SDK2: variants seen among roughly 807,000 people sequenced by gnomAD.
SDK2 encodes the protein protein sidekick-2.
In SDK2, 105 loss-of-function variants were observed where a neutral mutation model predicts 253.9. That is an observed-to-expected ratio of 0.41 (90% CI 0.35 to 0.49). SDK2 has a LOEUF of 0.49. Ranked by LOEUF, SDK2 falls within the 20% of genes least tolerant of loss-of-function variation. SDK2 has a pLI of 0.06. For missense variants in SDK2, 2,608 were observed against 3,003.0 expected, an observed-to-expected ratio of 0.87 and a Z score of 3.07; for synonymous variants, 1,249 against 1,234.9, an observed-to-expected ratio of 1.01 and a Z score of -0.24.
chr17:73,613,645 C>G (rs950016553), intron 1 of SDK2, among the ~76,000 whole-genome samples: 1 of 144,814 alleles, frequency 6.9e-6, no homozygotes, highest in African/African-American at 2.5e-5. Context: ...ATCAGTCTTG[C>G]TGGCCGGACC....
Position 73,616,592 on chromosome 17 carries a change from T to C in SDK2, c.64+27433A>G, listed in dbSNP as rs749772396. On this transcript the variant is annotated intron_variant, in intron 1 of 44. Transcript: ENST00000392650. The surrounding 1 kb of genome is among the most constrained non-coding windows in gnomAD (Gnocchi z 5.2). Reference sequence around the variant, plus strand: ...TTCTGGAGTAATGGAATCTTAGTCCTGGGTGTTTGGGGCTGAGAAAATGAA... The same window carrying C: ...TTCTGGAGTAATGGAATCTTAGTCCCGGGTGTTTGGGGCTGAGAAAATGAA... Among the ~76,000 whole-genome samples, 3 of 152,180 alleles carry C rather than the reference T, an allele frequency of 2.0e-5. No individual in the cohort carries two copies. The highest frequency in any genetic ancestry group is 2.9e-5 in the Non-Finnish European group (2 of 68,036).
chr17:73,600,210 C>A (rs1028366397), intron 1 of SDK2, among the ~76,000 whole-genome samples: 1 of 152,176 alleles, frequency 6.6e-6, no homozygotes, highest in Non-Finnish European at 1.5e-5. Context: ...TCGGTCCCAT[C>A]CAGCAGCACT....
chr17:73,365,257 C>T lies in SDK2; in HGVS notation c.5305+1G>A. On this transcript the variant is annotated splice_donor_variant, in intron 38 of 44. Transcript: ENST00000392650. LOFTEE classifies it high-confidence loss of function. ...GGAGCTGTGCTGGGGGGTCCACTCA[C>T]CATCCACGGGGCTGCAGGGCTCGTA... is the stretch of plus-strand genomic sequence containing the variant. 1 of 1,598,874 alleles carries T rather than the reference C, an allele frequency of 6.3e-7. No homozygotes were observed. Among genetic ancestry groups the T allele is most frequent in the Non-Finnish European group, 8.5e-7 (1 of 1,173,430 alleles).
chr17:73,575,240 T>C (rs1173596893), intron 1 of SDK2, among the ~76,000 whole-genome samples: 1 of 152,184 alleles, frequency 6.6e-6, no homozygotes, highest in African/African-American at 2.4e-5. Context: ...TCAAAGCCAC[T>C]GCTGAGTTCT....
In SDK2 at chr17:73,382,839, TAACAAC is replaced by T. The variant is rs372656877; in HGVS notation, c.4705+1031_4705+1036del. ...CGACATGGTGAAACCCCGTCTCTAC[TAACAAC>T]AACAACAACAACGACAACAACAACA... On this transcript the variant is annotated intron_variant, in intron 33 of 44. Transcript: ENST00000392650. 1.5e-3 allele frequency among the ~76,000 whole-genome samples: 226 copies of T among 151,384 alleles called. 2 individuals carry two copies. Among genetic ancestry groups the T allele is most frequent in the African/African-American group, 5.3e-3 (221 of 41,396 alleles).
Position 73,338,674 on chromosome 17 carries a change from TG to T in SDK2, c.6431del (p.Pro2144GlnfsTer22), listed in dbSNP as rs1291258271. The T allele has an allele frequency of 1.3e-6, 2 of 1,582,242 alleles. No homozygotes were observed. Among genetic ancestry groups the T allele is most frequent in the Admixed American group, 1.8e-5 (1 of 55,066 alleles). On this transcript the variant is annotated frameshift_variant, in exon 45 of 45. Coordinates refer to ENST00000392650, the MANE Select transcript of SDK2 (RefSeq NM_001144952.2). LOFTEE classifies it high-confidence loss of function. This position sits in a 1 kb window ranked among gnomAD's most constrained non-coding sequence, Gnocchi z 5.0. ...GACGGTAGAGGGTGCTCTGCTGACTTGGGGGGTTAGGGGGGTTCTGGGGCGT... is the reference window on the plus strand; with the variant it reads ...GACGGTAGAGGGTGCTCTGCTGACTTGGGGGTTAGGGGGGTTCTGGGGCGT... ...TPTPQNPPNP[P>X]SQQSTLYRPP...
intron 1 of SDK2, among the ~76,000 whole-genome samples, chr17:73,552,538 A>T (rs1156669205): frequency 6.6e-6 from 1 of 152,094 alleles, no homozygotes; most frequent in Non-Finnish European, 1.5e-5. Flanking sequence ...CGCAGGTCTG[A>T]GTGTACTCGG....
At chr17:73,410,931 G>A (rs1439091887) in intron 18 of SDK2, among the ~76,000 whole-genome samples, 1 of 152,140 alleles carries the variant, frequency 6.6e-6, no homozygotes, top group Non-Finnish European at 1.5e-5. Context: ...CGGGGGAGCT[G>A]TTTGCCTTAA....
At chr17:73,430,874 T>C (rs1174876173) in intron 11 of SDK2, among the ~76,000 whole-genome samples, 1 of 152,096 alleles carries the variant, frequency 6.6e-6, no homozygotes, top group Non-Finnish European at 1.5e-5. Flanking sequence ...AGGGTAAAAA[T>C]AGGGCTTTCT....
intron 12 of SDK2, among the ~76,000 whole-genome samples, chr17:73,427,072 G>C (rs946760317): frequency 2.6e-5 from 4 of 151,696 alleles, no homozygotes; most frequent in Non-Finnish European, 5.9e-5. Flanking sequence ...GTGACAGAGC[G>C]AGACTCCATC....
intron 2 of SDK2, among the ~76,000 whole-genome samples, chr17:73,475,838 A>G (rs905062220): frequency 6.6e-6 from 1 of 152,228 alleles, no homozygotes; most frequent in African/African-American, 2.4e-5. Context: ...TTTACATCAT[A>G]CAAACTGGTC....
chr17:73,469,990 G>GCACACACA (rs1555585147), intron 3 of SDK2, among the ~76,000 whole-genome samples: 129 of 105,646 alleles, frequency 1.2e-3, no homozygotes, highest in East Asian at 5.1e-3. Context: ...CTGCGCGCGC[G>GCACACACA]CGCACACACA....
chr17:73,438,093 T>C lies in SDK2; in HGVS notation c.787A>G (p.Ser263Gly), dbSNP rs2063384773. The change falls in exon 7 of 45, where the codon AGT becomes GGT. Residue 263 changes from serine to glycine, a missense_variant. Coordinates refer to ENST00000392650, the MANE Select transcript of SDK2 (RefSeq NM_001144952.2). ...ATGGTGAGCCGGCGGTTGTGGTCACTGATGCCGCCCGACAGCAATACCCCG... is the reference window on the plus strand; with the variant it reads ...ATGGTGAGCCGGCGGTTGTGGTCACCGATGCCGCCCGACAGCAATACCCCG... ...KDGVLLSGGI[S>G]DHNRRLTIPN... 1 of 1,551,558 alleles carries C rather than the reference T, an allele frequency of 6.4e-7. No homozygotes were observed. The highest frequency in any genetic ancestry group is 1.2e-5 in the South Asian group (1 of 84,068).
At chr17:73,452,883 T>C (rs943506847) in intron 4 of SDK2, among the ~76,000 whole-genome samples, 3 of 152,104 alleles carry the variant, frequency 2.0e-5, no homozygotes, top group African/African-American at 7.2e-5. Flanking sequence ...GTGGAGAGCA[T>C]TCCCCTTCCA....
intron 1 of SDK2, among the ~76,000 whole-genome samples, chr17:73,567,068 T>C (rs576962606): frequency 6.6e-6 from 1 of 152,264 alleles, no homozygotes; most frequent in African/African-American, 2.4e-5. Flanking sequence ...TGGAAGACAT[T>C]TGGAAGGTCT....
intron 36 of SDK2, among the ~76,000 whole-genome samples, chr17:73,378,372 A>G (rs112470526): frequency 0.097 from 14,505 of 150,230 alleles, 2,111 homozygotes; most frequent in African/African-American, 0.32. Flanking sequence ...AAAGTGCGGG[A>G]ATTACAGGTG....
chr17:73,543,699 G>A (rs2044909148), intron 1 of SDK2, among the ~76,000 whole-genome samples: 2 of 152,234 alleles, frequency 1.3e-5, no homozygotes, highest in African/African-American at 4.8e-5. Context: ...ATAGGGGCAG[G>A]CCAGCCTCCC....
rs1033745616 is a variant in SDK2, at chr17:73,570,480, A to C, written c.65-62883T>G. 6.6e-6 allele frequency among the ~76,000 whole-genome samples: 1 copy of C among 151,962 alleles called. No homozygotes were observed. Among genetic ancestry groups the C allele is most frequent in the Non-Finnish European group, 1.5e-5 (1 of 67,998 alleles). ...CCATTTGCCACTAGATTAGCCCAAAAATCAAAAAGAGGGGGACCCACCCAG... is the reference window on the plus strand; with the variant it reads ...CCATTTGCCACTAGATTAGCCCAAACATCAAAAAGAGGGGGACCCACCCAG... On this transcript the variant is annotated intron_variant, in intron 1 of 44. Coordinates refer to ENST00000392650, the MANE Select transcript of SDK2 (RefSeq NM_001144952.2). This position sits in a 1 kb window ranked among gnomAD's most constrained non-coding sequence, Gnocchi z 4.2.
rs2063465555 is a variant in SDK2 at position 73,447,933 on chromosome 17, G to T, written c.480-185C>A. On this transcript the variant is annotated intron_variant, in intron 4 of 44. Transcript: ENST00000392650. The surrounding 1 kb of genome is among the most constrained non-coding windows in gnomAD (Gnocchi z 4.0). Reference sequence around the variant, plus strand: ...CATCCCGCCACGTTTAGTTTGCAGAGAATGCTAAACACGGTGCTGATGCTG... The same window carrying T: ...CATCCCGCCACGTTTAGTTTGCAGATAATGCTAAACACGGTGCTGATGCTG... Among the ~76,000 whole-genome samples, 2 of 152,050 alleles carry T rather than the reference G, an allele frequency of 1.3e-5. No individual in the cohort carries two copies. The highest frequency in any genetic ancestry group is 1.3e-4 in the Admixed American group (2 of 15,270).
Sources: gnomAD v4.1 joint callset for allele counts (sites outside exome capture counted in the v4.1 genomes callset) on GRCh38, gnomAD v4.1.1 for gene constraint, Gnocchi (gnomAD v3.1) non-coding constraint, MANE v1.5 for transcripts, NCBI Gene and HGNC (gene_info 2026-07-23, HGNC 2026-07-21) for gene names.